The following ZCCHC2 variants were observed in gnomAD, a reference collection of about 807,000 sequenced individuals.
ZCCHC2 encodes zinc finger CCHC-type containing 2, also known as zinc finger CCHC domain-containing protein 2.
ZCCHC2 carries 39 observed loss-of-function variants against 103.6 expected under a neutral mutation model. The ratio of observed to expected loss-of-function variants is 0.38; its 90% CI spans 0.29 to 0.49. The LOEUF (loss-of-function observed/expected upper bound fraction) is 0.49. ZCCHC2 is among the 20% of genes least tolerant of loss of function. The pLI is 0.96. For missense variants in ZCCHC2, 1,483 were observed against 1,491.0 expected (o/e 0.99, Z 0.09); for synonymous variants, 687 against 608.9 (o/e 1.13, Z -1.89).
chr18:62,547,951 C>G (rs1346718863), intron 4 of ZCCHC2, among the ~76,000 whole-genome samples: 1 of 152,144 alleles, frequency 6.6e-6, no homozygotes, highest in South Asian at 2.1e-4. Context: ...TGTTTCTTCC[C>G]TCACTGCAGT....
chr18:62,560,738 C>A, intron 8 of ZCCHC2, 94 bp downstream of exon 8: 1 of 1,011,516 alleles, frequency 9.9e-7, no homozygotes, highest in South Asian at 1.8e-5. Flanking sequence ...GGCTATAATT[C>A]TGTCATTTTG....
chr18:62,564,768 T>G, intron 10 of ZCCHC2, 133 bp downstream of exon 10: 1 of 791,522 alleles, frequency 1.3e-6, no homozygotes, highest in Non-Finnish European at 1.9e-6. Flanking sequence ...CTCTTTTGGT[T>G]CAAAATATTA....
chr18:62,524,057 G>A lies in ZCCHC2; in HGVS notation c.633G>A (p.Glu211=), dbSNP rs1188413896. The change falls in exon 1 of 14, where the codon GAG becomes GAA. Residue 211 remains glutamate, a synonymous_variant. Coordinates refer to ENST00000269499, the MANE Select transcript of ZCCHC2 (RefSeq NM_017742.6). ...AAAGCCTGCGCGCGGCCCGGGGCGA[G>A]GGCTCGCGGGGCGGCGCGGAGGACG... The part of the protein sequence containing the change: ...VLKSLRAARG[E]GSRGGAEDER... 1.1e-5 allele frequency: 16 copies of A among 1,478,748 alleles called. No homozygotes were observed. The highest frequency in any genetic ancestry group is 1.4e-5 in the Non-Finnish European group (16 of 1,125,584). The allele number at this position is 1,478,748 out of a possible 1,614,324, so 91.6% of individuals were successfully genotyped here.
At chr18:62,532,807 G>A (rs190668984) in intron 1 of ZCCHC2, among the ~76,000 whole-genome samples, 96 of 152,270 alleles carry the variant, frequency 6.3e-4, no homozygotes, top group Non-Finnish European at 9.9e-4. Context: ...AAGCTGAGGC[G>A]GGTGGATTGC....
chr18:62,557,972 C>A (rs544299965), intron 6 of ZCCHC2, among the ~76,000 whole-genome samples: 1 of 151,372 alleles, frequency 6.6e-6, no homozygotes, highest in African/African-American at 2.4e-5. Flanking sequence ...TGAGTTGTTT[C>A]ACTAGTGAAT....
At chr18:62,557,212 A>G (rs998070296) in intron 6 of ZCCHC2, among the ~76,000 whole-genome samples, 2 of 152,024 alleles carry the variant, frequency 1.3e-5, no homozygotes, top group Admixed American at 6.6e-5. Flanking sequence ...CTACACATCT[A>G]CCTCAGCCTG....
rs1359760575 is a variant in ZCCHC2 at position 62,524,370 on chromosome 18, C to T, written c.939+7C>T. On this transcript the variant is annotated splice_region_variant and intron_variant, in intron 1 of 13. Transcript: ENST00000269499. ...TGCCGGCCCCAGGGCCCAGGTAAGG[C>T]GCACGGAGCCTCCCTGGACTCGCGG... The T allele has an allele frequency of 1.3e-6, 2 of 1,499,406 alleles. No homozygotes were observed. The highest frequency in any genetic ancestry group is 2.6e-5 in the East Asian group (1 of 38,330). 92.9% of individuals were successfully genotyped at this position (1,499,406 alleles called of 1,614,324 possible). A position where few individuals can be genotyped will look rare whatever the true frequency, so the allele number is the denominator to read the frequency against.
Position 62,523,808 on chromosome 18 carries a change from C to G in ZCCHC2, c.384C>G (p.Arg128=). Reference sequence around the variant, plus strand: ...ACCTGTGCAACCCGCTGGAGCTGCGCTTCCTTGGCTCGTGCCTGGAGGACC... The same window carrying G: ...ACCTGTGCAACCCGCTGGAGCTGCGGTTCCTTGGCTCGTGCCTGGAGGACC... The part of the protein sequence containing the change: ...LLDLCNPLEL[R]FLGSCLEDLA... The change falls in exon 1 of 14, where the codon CGC becomes CGG. Residue 128 remains arginine (R), a synonymous_variant. Coordinates refer to ENST00000269499, the MANE Select transcript of ZCCHC2 (RefSeq NM_017742.6). 2.6e-6 allele frequency: 4 copies of G among 1,543,466 alleles called. No individual in the cohort carries two copies. The highest frequency in any genetic ancestry group is 3.5e-6 in the Non-Finnish European group (4 of 1,146,234).
intron 1 of ZCCHC2, chr18:62,539,470 A>G: frequency 4.5e-6 from 2 of 443,150 alleles, no homozygotes; most frequent in Non-Finnish European, 8.2e-6. Context: ...CCTGTGTCCC[A>G]AGAAAGCTAG....
intron 9 of ZCCHC2, among the ~76,000 whole-genome samples, 180 bp from the exon 10 acceptor site, chr18:62,564,391 T>G (rs1041954298): frequency 6.7e-6 from 1 of 149,098 alleles, no homozygotes. Flanking sequence ...GGAAAATATG[T>G]AAGTGTCACA....
intron 1 of ZCCHC2, among the ~76,000 whole-genome samples, chr18:62,534,849 A>G (rs1302208005): frequency 6.6e-6 from 1 of 152,240 alleles, no homozygotes; most frequent in Non-Finnish European, 1.5e-5. Context: ...TAGTTTGGGA[A>G]AATTGCCCAT....
intron 5 of ZCCHC2, among the ~76,000 whole-genome samples, chr18:62,553,166 G>A (rs1440590427): frequency 1.1e-5 from 1 of 95,154 alleles, no homozygotes; most frequent in Admixed American, 1.1e-4. Flanking sequence ...ATGTGTGTGT[G>A]TGTGTGTGTG....
chr18:62,566,238 T>C (rs980226249), intron 11 of ZCCHC2, among the ~76,000 whole-genome samples: 5 of 152,042 alleles, frequency 3.3e-5, no homozygotes, highest in African/African-American at 1.2e-4. Flanking sequence ...AGAGTGAAAC[T>C]CCATCTCAAA....
chr18:62,535,115 G>A (rs1436571851), intron 1 of ZCCHC2, among the ~76,000 whole-genome samples: 9 of 152,146 alleles, frequency 5.9e-5, no homozygotes, highest in Non-Finnish European at 1.0e-4. Context: ...CTCATCTCTC[G>A]TGGGGCGAGA....
At chr18:62,563,289 A>G in intron 9 of ZCCHC2, 145 bp downstream of exon 9, 3 of 967,050 alleles carry the variant, frequency 3.1e-6, no homozygotes, top group East Asian at 2.6e-5. Flanking sequence ...ATACTTATAT[A>G]TGATCTAAGC....
At chr18:62,546,205 G>C (rs956029657) in intron 4 of ZCCHC2, among the ~76,000 whole-genome samples, 1 of 152,186 alleles carries the variant, frequency 6.6e-6, no homozygotes, top group African/African-American at 2.4e-5. Flanking sequence ...AGGTCTGTGA[G>C]CTTCTGTCTG....
chr18:62,553,075 G>A (rs1003792885), intron 5 of ZCCHC2, among the ~76,000 whole-genome samples: 7 of 151,286 alleles, frequency 4.6e-5, no homozygotes, highest in African/African-American at 7.3e-5. Flanking sequence ...AAAATTCCCC[G>A]GTTTCCCATT....
chr18:62,558,669 A>T lies in ZCCHC2; in HGVS notation c.1409-18A>T. 7.0e-7 allele frequency: 1 copy of T among 1,429,914 alleles called. No individual in the cohort carries two copies. The highest frequency in any genetic ancestry group is 1.9e-4 in the Middle Eastern group (1 of 5,158). The allele number at this position is 1,429,914 out of a possible 1,614,324, so 88.6% of individuals were successfully genotyped here. The stretch of plus-strand genomic sequence containing the variant: ...TTAATTTTCCTAAAAAGTTAATAGT[A>T]TTGAATGCTTCCTGCAGATAACTTA... On this transcript the variant is annotated intron_variant, in intron 6 of 13. Coordinates refer to ENST00000269499, the MANE Select transcript of ZCCHC2 (RefSeq NM_017742.6).
In ZCCHC2 at chr18:62,523,070, A is replaced by AGCTCAGGCACCGCC. The variant is rs1914111126; in HGVS notation, c.-352_-339dup. On this transcript the variant is annotated 5_prime_UTR_variant, in exon 1 of 14. Coordinates refer to ENST00000269499, the MANE Select transcript of ZCCHC2 (RefSeq NM_017742.6). ...CGTCCTCACCGGCTCGCGAGGGAAC[A>AGCTCAGGCACCGCC]GCTCAGGCACCGCCGCCCCGGCTCA... 6.6e-6 allele frequency: 1 copy of AGCTCAGGCACCGCC among 152,058 alleles called. No individual in the cohort carries two copies. Among genetic ancestry groups the AGCTCAGGCACCGCC allele is most frequent in the Admixed American group, 6.5e-5 (1 of 15,278 alleles). The allele number at this position is 152,058 out of a possible 1,614,324, so 9.4% of individuals were successfully genotyped here.
Sources: gnomAD v4.1 joint callset for allele counts (sites outside exome capture counted in the v4.1 genomes callset) on GRCh38, gnomAD v4.1.1 for gene constraint, MANE v1.5 for transcripts, NCBI Gene and HGNC (gene_info 2026-07-23, HGNC 2026-07-21) for gene names.